TMEM260: variants seen among roughly 807,000 people sequenced by gnomAD.
The protein encoded by TMEM260 is protein O-mannosyl-transferase TMEM260.
In TMEM260, 82 loss-of-function variants were observed where a neutral mutation model predicts 88.9. The ratio of observed to expected loss-of-function variants is 0.92; its 90% confidence interval spans 0.77 to 1.11. The LOEUF is 1.11. Among genes scored for constraint, TMEM260 ranks in the 50% least tolerant of loss-of-function variants. The pLI, the probability that TMEM260 is intolerant of heterozygous loss-of-function variation, is 0.00. For missense variants in TMEM260, 902 were observed against 853.4 expected (o/e 1.06, Z -0.71); for synonymous variants, 314 against 309.3 (o/e 1.02, Z -0.16).
intron 15 of TMEM260, among the ~76,000 whole-genome samples, chr14:56,642,064 C>T (rs950894903): frequency 6.6e-6 from 1 of 152,166 alleles, no homozygotes; most frequent in African/African-American, 2.4e-5. Flanking sequence ...TAATGGGAGA[C>T]TTTAACACCC....
chr14:56,601,819 A>C (rs1172221553), intron 3 of TMEM260, among the ~76,000 whole-genome samples: 1 of 152,114 alleles, frequency 6.6e-6, no homozygotes, highest in African/African-American at 2.4e-5. Context: ...GAGCCTCTTT[A>C]AGCTGGCTCC....
intron 3 of TMEM260, 108 bp downstream of exon 3, chr14:56,586,020 C>A: frequency 1.8e-6 from 2 of 1,121,846 alleles, no homozygotes; most frequent in East Asian, 4.8e-5. Flanking sequence ...GTTTCCCTAA[C>A]ACATGTGATT....
intron 12 of TMEM260, among the ~76,000 whole-genome samples, chr14:56,631,711 C>G (rs1888617115): frequency 1.3e-5 from 2 of 152,112 alleles, no homozygotes; most frequent in Non-Finnish European, 2.9e-5. Context: ...TGGTTTGGCC[C>G]TAGAAGGTCA....
rs767890259 is a variant in TMEM260, at chr14:56,603,996, AC to A, written c.522+6del. The A allele has an allele frequency of 6.5e-7, 1 of 1,530,404 alleles. No individual in the cohort carries two copies. The highest frequency in any genetic ancestry group is 8.7e-7 in the Non-Finnish European group (1 of 1,144,272). The allele number at this position is 1,530,404 out of a possible 1,614,324, so 94.8% of individuals were successfully genotyped here. A position where few individuals can be genotyped will look rare whatever the true frequency, so the allele number is the denominator to read the frequency against. ...AACTGCTAAGGAGAGATCAAAGGTA[AC>A]CTATTTTGATCAAAGTGAAATCAGT... On this transcript the variant is annotated splice_donor_5th_base_variant and intron_variant, in intron 4 of 15. Coordinates refer to ENST00000261556, the MANE Select transcript of TMEM260 (RefSeq NM_017799.4).
At chr14:56,594,760 A>G (rs138074516) in intron 3 of TMEM260, among the ~76,000 whole-genome samples, 2 of 152,300 alleles carry the variant, frequency 1.3e-5, no homozygotes, top group Admixed American at 6.5e-5. Flanking sequence ...CCTTCCATTT[A>G]TTTTTAAAAG....
chr14:56,659,306 C>T, the TMEM260 span, among the ~76,000 whole-genome samples: 4 of 151,362 alleles, frequency 2.6e-5, no homozygotes, highest in African/African-American at 9.7e-5. Context: ...TCCTTTTCCC[C>T]CTTTACTCCT....
At chr14:56,654,992 G>A (rs1237414413), downstream of TMEM260, among the ~76,000 whole-genome samples, 2 of 152,096 alleles carry the variant, frequency 1.3e-5, no homozygotes, top group African/African-American at 2.4e-5. Flanking sequence ...AATATAGACT[G>A]TAGTAAAAAT....
chr14:56,608,025 T>C (rs576382567), intron 5 of TMEM260, among the ~76,000 whole-genome samples: 5 of 152,358 alleles, frequency 3.3e-5, no homozygotes, highest in Non-Finnish European at 7.3e-5. Flanking sequence ...ATTTTAAGAA[T>C]AGCAAAGGCA....
chr14:56,648,039 AAAG>A lies in TMEM260; in HGVS notation c.*543_*545del, dbSNP rs1422088369. ...ACACCAAATGGGTGATATTTTGAAA[AAAG>A]TTTGTGTTTTACTGTCTTAGATCGT... On this transcript the variant is annotated 3_prime_UTR_variant, in exon 16 of 16. Coordinates refer to ENST00000261556, the MANE Select transcript of TMEM260 (RefSeq NM_017799.4). 1 of 152,254 alleles carries A rather than the reference AAAG, an allele frequency of 6.6e-6. No individual in the cohort carries two copies. Among genetic ancestry groups the A allele is most frequent in the African/African-American group, 2.4e-5 (1 of 41,452 alleles). 9.4% of individuals were successfully genotyped at this position (152,254 alleles called of 1,614,324 possible). A position where few individuals can be genotyped will look rare whatever the true frequency, so the allele number is the denominator to read the frequency against.
At chr14:56,660,177 T>G in the TMEM260 span, among the ~76,000 whole-genome samples, 1 of 152,212 alleles carries the variant, frequency 6.6e-6, no homozygotes, top group Non-Finnish European at 1.5e-5. Context: ...TGTGTGTTGG[T>G]GACTTAGCAA....
rs973032467 is a variant in TMEM260 at position 56,648,478 on chromosome 14, C to G, written c.*981C>G. ...GGCCAGAATCTGTAGGGCTTCTTTT[C>G]CCCCCAATTGTATAGCTCCTAGACT... On this transcript the variant is annotated 3_prime_UTR_variant, in exon 16 of 16. Coordinates refer to ENST00000261556, the MANE Select transcript of TMEM260 (RefSeq NM_017799.4). The G allele has an allele frequency of 1.3e-5, 2 of 152,420 alleles. No individual in the cohort carries two copies. Among genetic ancestry groups the G allele is most frequent in the East Asian group, 1.9e-4 (1 of 5,192 alleles). 9.4% of individuals were successfully genotyped at this position (152,420 alleles called of 1,614,324 possible).
At chr14:56,587,450 G>T (rs1885576777) in intron 3 of TMEM260, among the ~76,000 whole-genome samples, 1 of 151,866 alleles carries the variant, frequency 6.6e-6, no homozygotes, top group Non-Finnish European at 1.5e-5. Flanking sequence ...AATCTGGATA[G>T]CTCTGGACAG....
At chr14:56,616,078 A>G in intron 8 of TMEM260, 51 bp downstream of exon 8, 10 of 1,361,404 alleles carry the variant, frequency 7.3e-6, no homozygotes, top group Non-Finnish European at 1.0e-5. Flanking sequence ...CATGAATTGA[A>G]TTAATGTTTT....
In TMEM260 at chr14:56,633,112, C is replaced by T. The variant is rs767560755; in HGVS notation, c.1665C>T (p.Asn555=). The T allele has an allele frequency of 1.9e-6, 3 of 1,613,600 alleles. No homozygotes were observed. The highest frequency in any genetic ancestry group is 1.7e-4 in the Middle Eastern group (1 of 6,056). The change falls in exon 13 of 16, where the codon AAC becomes AAT. Residue 555 remains asparagine (N), a synonymous_variant. Transcript: ENST00000261556. ...DKLVPLEIVF[N]PEEWIKLTKS... is the part of the protein sequence containing the mutation. ...TAGTTCCTTTGGAGATTGTATTCAA[C>T]CCTGAGGAATGGATTAAACTTACAA...
chr14:56,610,385 C>T lies in TMEM260; in HGVS notation c.816+1100C>T, dbSNP rs146467484. 6.9e-3 allele frequency among the ~76,000 whole-genome samples: 1,044 copies of T among 152,172 alleles called. 10 individuals carry two copies. The highest frequency in any genetic ancestry group is 0.022 in the African/African-American group (931 of 41,532). On this transcript the variant is annotated intron_variant, in intron 6 of 15. Coordinates refer to ENST00000261556, the MANE Select transcript of TMEM260 (RefSeq NM_017799.4). ...CCTCCCCAGCAGCTGGGACTACAGA[C>T]GCCCACCACCACACCTGGCTAATTT...
At chr14:56,625,911 A>G (rs1466128758) in intron 12 of TMEM260, among the ~76,000 whole-genome samples, 1 of 152,224 alleles carries the variant, frequency 6.6e-6, no homozygotes, top group Non-Finnish European at 1.5e-5. Flanking sequence ...AATAATCACT[A>G]TATAAAAATA....
chr14:56,604,099 C>T (rs563867102), intron 4 of TMEM260, 107 bp downstream of exon 4: 15 of 1,092,462 alleles, frequency 1.4e-5, no homozygotes, highest in African/African-American at 4.9e-5. Context: ...TGATTACAGT[C>T]GGGATAATCT....
At chr14:56,613,708 T>C (rs976937548) in intron 7 of TMEM260, 15 of 152,160 alleles carry the variant, frequency 9.9e-5, no homozygotes, top group South Asian at 4.2e-4. Flanking sequence ...TGTGAGACTT[T>C]TGTGGCTTTC....
the TMEM260 span, among the ~76,000 whole-genome samples, chr14:56,663,106 G>A: frequency 1.3e-5 from 2 of 152,138 alleles, no homozygotes; most frequent in African/African-American, 4.8e-5. This position sits in a 1 kb window ranked among gnomAD's most constrained non-coding sequence, Gnocchi z 4.1. Flanking sequence ...ACCAGTCTGA[G>A]CAACAAGAGC....
Sources: allele counts gnomAD v4.1 joint callset (sites outside exome capture counted in the v4.1 genomes callset), GRCh38; gene constraint gnomAD v4.1.1; non-coding constraint Gnocchi (gnomAD v3.1); transcripts MANE v1.5; gene names NCBI Gene and HGNC (gene_info 2026-07-23, HGNC 2026-07-21).